Variants in C16orf74 observed in about 807,000 individuals in gnomAD.
The protein encoded by C16orf74 is uncharacterized protein C16orf74.
In C16orf74, 10 loss-of-function variants were observed where a neutral mutation model predicts 6.5. That is an observed-to-expected ratio of 1.54 (90% confidence interval 0.95 to 2.61). C16orf74 has a LOEUF of 2.61. C16orf74 is among the 30% of genes most tolerant of loss of function. C16orf74 has a pLI of 0.00. For synonymous variants in C16orf74, 60 were observed against 42.5 expected, an observed-to-expected ratio of 1.41 and a Z score of -1.60; for missense variants, 141 against 105.9, an observed-to-expected ratio of 1.33 and a Z score of -1.45.
chr16:85,744,654 C>A (rs1343085915), intron 1 of C16orf74, among the ~76,000 whole-genome samples: 2 of 151,696 alleles, frequency 1.3e-5, no homozygotes, highest in Non-Finnish European at 2.9e-5. Context: ...CACGGTGAAA[C>A]CCTGTCTCTA....
intron 3 of C16orf74, 67 bp downstream of exon 3, chr16:85,710,097 C>T (rs957841107): frequency 2.3e-6 from 3 of 1,321,242 alleles, no homozygotes; most frequent in African/African-American, 3.1e-5. Flanking sequence ...GGAAGGACGC[C>T]CCTGAGAGCT....
chr16:85,747,905 G>A (rs1400880516), intron 1 of C16orf74, among the ~76,000 whole-genome samples: 1 of 152,018 alleles, frequency 6.6e-6, no homozygotes, highest in Non-Finnish European at 1.5e-5. Context: ...GGCCAACTTG[G>A]TGAAACCCCA....
At chr16:85,709,013 C>T (rs962354002) in intron 3 of C16orf74, among the ~76,000 whole-genome samples, 4 of 152,244 alleles carry the variant, frequency 2.6e-5, no homozygotes, top group African/African-American at 4.8e-5. Context: ...CTGCGGCACC[C>T]GTGACTAGCA....
intron 1 of C16orf74, among the ~76,000 whole-genome samples, chr16:85,745,362 T>C (rs557502075): frequency 3.9e-5 from 6 of 152,180 alleles, no homozygotes; most frequent in Non-Finnish European, 7.3e-5. Flanking sequence ...CCCACTTCCA[T>C]GTTGGCTGTG....
chr16:85,710,518 G>A (rs1354339788), intron 2 of C16orf74: 2 of 510,496 alleles, frequency 3.9e-6, no homozygotes, highest in African/African-American at 2.0e-5. Flanking sequence ...ACAGAACCAT[G>A]AGTCGGGAAA....
intron 1 of C16orf74, 63 bp downstream of exon 1, chr16:85,750,863 G>A (rs1322382269): frequency 6.6e-6 from 1 of 152,002 alleles, no homozygotes; most frequent in East Asian, 1.9e-4. Flanking sequence ...CCGGGGCCGC[G>A]TTGCTCGGGG....
intron 2 of C16orf74, among the ~76,000 whole-genome samples, chr16:85,720,069 T>C (rs2054067325): frequency 6.6e-6 from 1 of 151,872 alleles, no homozygotes; most frequent in South Asian, 2.1e-4. Context: ...TTTTTTTAAT[T>C]CCAATTACAG....
chr16:85,745,785 A>T (rs1041769907), intron 1 of C16orf74, among the ~76,000 whole-genome samples: 7 of 148,614 alleles, frequency 4.7e-5, no homozygotes. Flanking sequence ...GGCTGGAGGG[A>T]CCCTGCTTTC....
intron 1 of C16orf74, among the ~76,000 whole-genome samples, chr16:85,745,425 C>A (rs1288704681): frequency 1.3e-5 from 2 of 152,230 alleles, no homozygotes; most frequent in African/African-American, 2.4e-5. Context: ...CAGCTCACAA[C>A]AGACTGCTTG....
intron 2 of C16orf74, among the ~76,000 whole-genome samples, chr16:85,724,000 C>T (rs1233635653): frequency 1.4e-5 from 2 of 138,284 alleles, no homozygotes; most frequent in African/African-American, 2.5e-5. Context: ...TAACTTCCTT[C>T]GATTTTTTTT....
chr16:85,716,937 T>C (rs943488118), intron 2 of C16orf74, among the ~76,000 whole-genome samples: 6 of 152,328 alleles, frequency 3.9e-5, no homozygotes, highest in South Asian at 2.1e-4. Flanking sequence ...CCTCGGGCTA[T>C]TAAAAGCCTA....
intron 2 of C16orf74, among the ~76,000 whole-genome samples, chr16:85,712,144 T>C (rs910278674): frequency 1.3e-5 from 2 of 152,232 alleles, no homozygotes; most frequent in African/African-American, 4.8e-5. Flanking sequence ...AATCAAGGCC[T>C]CTAGCCAACA....
chr16:85,714,749 A>T (rs551218075), intron 2 of C16orf74, among the ~76,000 whole-genome samples: 18 of 151,246 alleles, frequency 1.2e-4, no homozygotes, highest in Admixed American at 7.3e-4. Flanking sequence ...ACTGCTGGGT[A>T]GTTTTGAGGG....
intron 2 of C16orf74, among the ~76,000 whole-genome samples, chr16:85,730,566 C>G (rs566956151): frequency 7.1e-5 from 9 of 127,452 alleles, no homozygotes; most frequent in African/African-American, 2.7e-4. Context: ...CATCAGCCAA[C>G]TGAACCCCCA....
chr16:85,727,457 G>A (rs573495021), intron 2 of C16orf74, among the ~76,000 whole-genome samples: 4 of 152,172 alleles, frequency 2.6e-5, no homozygotes, highest in Non-Finnish European at 5.9e-5. Flanking sequence ...ATATCATGTG[G>A]GATCCTGCGA....
At chr16:85,729,730 T>A (rs531698557) in intron 2 of C16orf74, among the ~76,000 whole-genome samples, 40 of 151,322 alleles carry the variant, frequency 2.6e-4, no homozygotes, top group African/African-American at 9.5e-4. Context: ...GAGAGGGAGG[T>A]TGAATGCAGG....
intron 2 of C16orf74, among the ~76,000 whole-genome samples, chr16:85,712,130 G>A (rs1245767384): frequency 6.6e-6 from 1 of 152,240 alleles, no homozygotes; most frequent in Non-Finnish European, 1.5e-5. Context: ...TCACGTGGGT[G>A]AGGAATCAAG....
intron 2 of C16orf74, among the ~76,000 whole-genome samples, chr16:85,720,775 A>G (rs1251136500): frequency 1.3e-5 from 2 of 149,902 alleles, no homozygotes; most frequent in African/African-American, 2.4e-5. Flanking sequence ...CTGCCTCAAA[A>G]AAAAAAAAAA....
chr16:85,724,770 T>C (rs2054116848), intron 2 of C16orf74, among the ~76,000 whole-genome samples: 1 of 152,154 alleles, frequency 6.6e-6, no homozygotes, highest in Non-Finnish European at 1.5e-5. Context: ...GAGAGCACAT[T>C]CATTCTGCAA....
Sources: allele counts gnomAD v4.1 joint callset (sites outside exome capture counted in the v4.1 genomes callset), GRCh38; gene constraint gnomAD v4.1.1; transcripts MANE v1.5; gene names NCBI Gene and HGNC (gene_info 2026-07-23, HGNC 2026-07-21).